The following CBLB variants were observed in gnomAD, a reference collection of about 807,000 sequenced individuals.
CBLB encodes the protein E3 ubiquitin-protein ligase CBL-B.
Under a neutral mutation model 104.9 loss-of-function variants are expected in CBLB, and 31 were observed. The observed-to-expected ratio is 0.30, with a 90% CI of 0.22 to 0.40. The LOEUF (loss-of-function observed/expected upper bound fraction) is 0.40. Ranked by LOEUF, CBLB falls within the 10% of genes least tolerant of loss-of-function variation. CBLB has a pLI of 1.00. For missense variants in CBLB, 1,062 were observed against 1,214.6 expected, an observed-to-expected ratio of 0.87 and a Z score of 1.87; for synonymous variants, 440 against 422.6, an observed-to-expected ratio of 1.04 and a Z score of -0.51.
At chr3:105,703,371 A>G (rs2152785679) in intron 11 of CBLB, among the ~76,000 whole-genome samples, 1 of 152,316 alleles carries the variant, frequency 6.6e-6, no homozygotes, top group East Asian at 1.9e-4. Flanking sequence ...AATAAAATTA[A>G]TTTTTAAAAT....
intron 4 of CBLB, among the ~76,000 whole-genome samples, chr3:105,770,961 C>A (rs927452609): frequency 2.0e-4 from 31 of 152,286 alleles, no homozygotes; most frequent in Admixed American, 9.8e-4. Context: ...CTGAATTCTA[C>A]CAGACATTCA....
chr3:105,668,170 AGT>A (rs2064681115), intron 18 of CBLB, among the ~76,000 whole-genome samples: 1 of 152,048 alleles, frequency 6.6e-6, no homozygotes, highest in Non-Finnish European at 1.5e-5. Context: ...AATAGTCAGG[AGT>A]CTTTTATTAC....
intron 3 of CBLB, among the ~76,000 whole-genome samples, chr3:105,826,915 A>T (rs1370549297): frequency 6.6e-6 from 1 of 152,210 alleles, no homozygotes; most frequent in Admixed American, 6.5e-5. Context: ...GGCAAGAAAG[A>T]CTATGTGTGT....
intron 3 of CBLB, among the ~76,000 whole-genome samples, chr3:105,790,437 T>C (rs1577219269): frequency 1.3e-5 from 2 of 152,360 alleles, no homozygotes; most frequent in South Asian, 4.1e-4. Flanking sequence ...TGATTTTATA[T>C]GCATGAAAAT....
chr3:105,674,427 T>A (rs1576228800), intron 17 of CBLB, among the ~76,000 whole-genome samples: 1 of 152,254 alleles, frequency 6.6e-6, no homozygotes, highest in East Asian at 1.9e-4. Flanking sequence ...TCAATTTGGC[T>A]AGCTTTCAGA....
chr3:105,778,452 T>C (rs929656536), intron 3 of CBLB, among the ~76,000 whole-genome samples: 2 of 152,000 alleles, frequency 1.3e-5, no homozygotes, highest in African/African-American at 2.4e-5. Context: ...CTGTATAAGA[T>C]GAATACAGAA....
intron 4 of CBLB, among the ~76,000 whole-genome samples, chr3:105,765,674 G>T (rs910046160): frequency 6.6e-6 from 1 of 152,026 alleles, no homozygotes; most frequent in Non-Finnish European, 1.5e-5. Flanking sequence ...TCTACAAATG[G>T]AACAAAAAAC....
Position 105,703,212 on chromosome 3 carries a change from A to T in CBLB, c.1594-753T>A, listed in dbSNP as rs375581575. Among the ~76,000 whole-genome samples, 17 of 152,312 alleles carry T rather than the reference A, an allele frequency of 1.1e-4. 1 individual carries two copies. In the East Asian group the frequency reaches 2.3e-3, roughly 21 times the overall value. Reference sequence around the variant, plus strand: ...TTTTAATGTTAGAAAATAGCAGAGAAAAAAGGAATCTGTTGTGTTTACATA... The same window carrying T: ...TTTTAATGTTAGAAAATAGCAGAGATAAAAGGAATCTGTTGTGTTTACATA... On this transcript the variant is annotated intron_variant, in intron 11 of 18. Coordinates refer to ENST00000394030, the MANE Select transcript of CBLB (RefSeq NM_170662.5).
In CBLB at chr3:105,761,106, C is replaced by T. The variant is rs191754930; in HGVS notation, c.567-9488G>A. ...GGAGTGCAGTAGCATGATCTTGGCT[C>T]ACTGCAACCTCGACCTCCCAGGCTC... On this transcript the variant is annotated intron_variant, in intron 4 of 18. Coordinates refer to ENST00000394030, the MANE Select transcript of CBLB (RefSeq NM_170662.5). Among the ~76,000 whole-genome samples the T allele has an allele frequency of 7.2e-5, 11 of 152,276 alleles. No homozygotes were observed. In the East Asian group the frequency reaches 2.1e-3, roughly 29 times the overall value.
chr3:105,802,854 A>T (rs2083053728), intron 3 of CBLB, among the ~76,000 whole-genome samples: 1 of 152,250 alleles, frequency 6.6e-6, no homozygotes. Flanking sequence ...AGGGATTAAC[A>T]TATGAATTAA....
intron 3 of CBLB, among the ~76,000 whole-genome samples, chr3:105,823,737 C>T (rs2086198759): frequency 6.6e-6 from 1 of 152,138 alleles, no homozygotes; most frequent in South Asian, 2.1e-4. Flanking sequence ...CCACAATTAT[C>T]ATGTTTATTT....
intron 6 of CBLB, among the ~76,000 whole-genome samples, chr3:105,743,484 A>AAT (rs2075813032): frequency 6.7e-6 from 1 of 148,856 alleles, no homozygotes; most frequent in South Asian, 2.1e-4. Context: ...ATTAAAAAAA[A>AAT]ATATATATAT....
intron 3 of CBLB, among the ~76,000 whole-genome samples, chr3:105,786,053 G>T (rs1418773027): frequency 8.9e-5 from 4 of 45,176 alleles, no homozygotes; most frequent in African/African-American, 3.1e-4. Flanking sequence ...AACACTGTGT[G>T]AGAGGATCGG....
At chr3:105,805,588 G>A (rs1223175352) in intron 3 of CBLB, among the ~76,000 whole-genome samples, 9 of 152,132 alleles carry the variant, frequency 5.9e-5, no homozygotes, top group African/African-American at 1.9e-4. Flanking sequence ...TTACAGGCAT[G>A]AGCCACCCCA....
chr3:105,727,792 A>T (rs2073851819), intron 9 of CBLB, among the ~76,000 whole-genome samples: 1 of 152,132 alleles, frequency 6.6e-6, no homozygotes, highest in Non-Finnish European at 1.5e-5. Context: ...CCGTTTATTA[A>T]ATAGGGAATC....
chr3:105,804,199 C>A (rs142653231), intron 3 of CBLB, among the ~76,000 whole-genome samples: 3 of 152,032 alleles, frequency 2.0e-5, no homozygotes, highest in Non-Finnish European at 2.9e-5. Flanking sequence ...GCTATAAATG[C>A]GGATACACAC....
intron 18 of CBLB, among the ~76,000 whole-genome samples, chr3:105,660,286 G>C (rs370229554): frequency 6.6e-6 from 1 of 152,016 alleles, no homozygotes; most frequent in Non-Finnish European, 1.5e-5. Context: ...CCGAGTTCAA[G>C]CAATTCTACT....
chr3:105,726,698 C>T (rs374938291), intron 9 of CBLB, among the ~76,000 whole-genome samples: 4 of 152,232 alleles, frequency 2.6e-5, no homozygotes, highest in Middle Eastern at 3.4e-3. Context: ...AGCTATCCCT[C>T]CCCTTGCCCC....
rs371195396 is a variant in CBLB at position 105,827,086 on chromosome 3, C to T, written c.419+26328G>A. ...GAATTGTTCCTGTAATATAATATGG[C>T]GCTCCTTTCAATTTTTCCCCACCTA... On this transcript the variant is annotated intron_variant, in intron 3 of 18. Coordinates refer to ENST00000394030, the MANE Select transcript of CBLB (RefSeq NM_170662.5). Among the ~76,000 whole-genome samples the T allele has an allele frequency of 1.8e-4, 28 of 152,068 alleles. 1 individual carries two copies. The East Asian group carries it at 2.3e-3, about 13-fold the overall frequency.
Sources: allele counts gnomAD v4.1 joint callset (sites outside exome capture counted in the v4.1 genomes callset), GRCh38; gene constraint gnomAD v4.1.1; transcripts MANE v1.5; gene names NCBI Gene and HGNC (gene_info 2026-07-23, HGNC 2026-07-21).